NUP93: variants seen among roughly 807,000 people sequenced by gnomAD.
The protein encoded by NUP93 is nuclear pore complex protein Nup93.
NUP93 carries 55 observed loss-of-function variants against 107.8 expected under a neutral mutation model. The ratio of observed to expected loss-of-function variants is 0.51; its 90% confidence interval spans 0.41 to 0.64. The LOEUF is 0.64. Ranked by LOEUF, NUP93 falls within the 30% of genes least tolerant of loss-of-function variation. NUP93 has a pLI of 0.00. For synonymous variants in NUP93, 390 were observed against 397.5 expected (o/e 0.98, Z 0.22); for missense variants, 937 against 1,044.7 (o/e 0.90, Z 1.42).
rs566950832 is a variant in NUP93 at position 56,778,350 on chromosome 16, A to G, written c.297+19695A>G. ...ATCTGTCAGGGAAGGGCAGTCAGAC[A>G]TGGAAGGAGTGACTGCCAGGCAGTG... On this transcript the variant is annotated intron_variant, in intron 3 of 21. Transcript: ENST00000308159. Among the ~76,000 whole-genome samples, 17 of 152,352 alleles carry G rather than the reference A, an allele frequency of 1.1e-4. No homozygotes were observed. In the East Asian group the frequency reaches 1.3e-3, roughly 12 times the overall value.
intron 17 of NUP93, 40 bp downstream of exon 17, chr16:56,836,757 C>A: frequency 7.5e-7 from 1 of 1,337,190 alleles, no homozygotes; most frequent in South Asian, 1.2e-5. Flanking sequence ...CTTCACAGGT[C>A]TGCTGGCCTT....
At chr16:56,793,291 T>A (rs189332716) in intron 3 of NUP93, among the ~76,000 whole-genome samples, 1 of 152,162 alleles carries the variant, frequency 6.6e-6, no homozygotes, top group Non-Finnish European at 1.5e-5. Flanking sequence ...GGAGGTGTTC[T>A]TTATTGAGCT....
intron 3 of NUP93, chr16:56,782,066 C>T: frequency 1.0e-6 from 1 of 985,424 alleles, no homozygotes. Context: ...TCCTTCTCCC[C>T]ACCCCCATCC....
chr16:56,780,430 T>C (rs1962492780), intron 3 of NUP93, among the ~76,000 whole-genome samples: 1 of 152,248 alleles, frequency 6.6e-6, no homozygotes, highest in African/African-American at 2.4e-5. Flanking sequence ...CTTTCATTGT[T>C]ATTCACTGTT....
intron 2 of NUP93, among the ~76,000 whole-genome samples, chr16:56,750,081 G>C (rs1463001182): frequency 6.6e-6 from 1 of 152,220 alleles, no homozygotes; most frequent in Non-Finnish European, 1.5e-5. Flanking sequence ...TAATTTAATT[G>C]CATCAGCTTT....
chr16:56,761,588 C>T (rs1453549984), intron 3 of NUP93, among the ~76,000 whole-genome samples: 1 of 151,816 alleles, frequency 6.6e-6, no homozygotes, highest in South Asian at 2.1e-4. Flanking sequence ...AGAATGCACC[C>T]TAATTCCATG....
intron 7 of NUP93, among the ~76,000 whole-genome samples, chr16:56,822,202 ATTTT>A (rs1228450428): frequency 1.3e-5 from 2 of 151,180 alleles, no homozygotes; most frequent in Admixed American, 1.3e-4. Context: ...CCATACACAG[ATTTT>A]TTTTGTCTTT....
At chr16:56,778,862 C>T (rs185435600) in intron 3 of NUP93, among the ~76,000 whole-genome samples, 1 of 152,192 alleles carries the variant, frequency 6.6e-6, no homozygotes, top group East Asian at 1.9e-4. Context: ...AGCCACAGGC[C>T]TAGAGAGAAG....
At chr16:56,802,333 A>G (rs1396011230) in intron 4 of NUP93, among the ~76,000 whole-genome samples, 1 of 121,914 alleles carries the variant, frequency 8.2e-6, no homozygotes, top group Non-Finnish European at 1.6e-5. Context: ...GTGTTCCATC[A>G]TACTTCTCTT....
intron 17 of NUP93, 26 bp downstream of exon 17, chr16:56,836,743 T>G: frequency 1.4e-6 from 2 of 1,460,376 alleles, no homozygotes; most frequent in Non-Finnish European, 1.9e-6. Context: ...TTCCTTCTTT[T>G]GCACTTCACA....
In NUP93 at chr16:56,841,730, T is replaced by C; in HGVS notation, c.2246T>C (p.Leu749Pro). 1.2e-6 allele frequency: 2 copies of C among 1,614,204 alleles called. No individual in the cohort carries two copies. The highest frequency in any genetic ancestry group is 1.1e-5 in the South Asian group (1 of 91,088). ...DEIRHNLSEV[L>P]LATMNILFTQ... ...ATCAGGCACAACCTCTCAGAAGTGC[T>C]TCTTGCCACCATGAACATCTTGTTC... The change falls in exon 21 of 22, where the codon CTT (leucine) becomes CCT (proline). Residue 749 changes from leucine (L) to proline (P), a missense_variant. Leu to Pro is a moderately conservative substitution (Grantham distance 98). Coordinates refer to ENST00000308159, the MANE Select transcript of NUP93 (RefSeq NM_014669.5).
rs551610310 is a variant in NUP93 at position 56,823,934 on chromosome 16, G to A, written c.794+88G>A. ...ATCTTAAGTTGTCCTCAGGCTAGGT[G>A]TGCTGTAGGTATAATTTAAGATTTA... On this transcript the variant is annotated intron_variant, in intron 8 of 21. Coordinates refer to ENST00000308159, the MANE Select transcript of NUP93 (RefSeq NM_014669.5). 3 of 1,456,422 alleles carry A rather than the reference G, an allele frequency of 2.1e-6. No individual in the cohort carries two copies. The East Asian group carries it at 6.9e-5, about 34-fold the overall frequency. The allele number at this position is 1,456,422 out of a possible 1,614,324, so 90.2% of individuals were successfully genotyped here.
At position 56,782,122 on chromosome 16, in the gene NUP93, C is replaced by T. The variant is rs866419141; in HGVS notation, c.298-16354C>T. The T allele has an allele frequency of 2.3e-4, 226 of 985,158 alleles. 2 individuals carry two copies. Among genetic ancestry groups the T allele is most frequent in the Admixed American group, 3.7e-4 (6 of 16,244 alleles). The allele number at this position is 985,158 out of a possible 1,614,324, so 61.0% of individuals were successfully genotyped here. ...GTGGGAAAAACTTGAGCACTGGTTCCGACAGAGCTCATCTCATATAAGAAG... is the reference window on the plus strand; with the variant it reads ...GTGGGAAAAACTTGAGCACTGGTTCTGACAGAGCTCATCTCATATAAGAAG... On this transcript the variant is annotated intron_variant, in intron 3 of 21. Coordinates refer to ENST00000308159, the MANE Select transcript of NUP93 (RefSeq NM_014669.5).
chr16:56,796,554 G>A (rs1034701573), intron 3 of NUP93, among the ~76,000 whole-genome samples: 2 of 152,176 alleles, frequency 1.3e-5, no homozygotes, highest in Admixed American at 6.5e-5. Context: ...ATTATAAAAT[G>A]ATCAAAAACT....
At chr16:56,837,314 G>A (rs1963931129) in intron 17 of NUP93, among the ~76,000 whole-genome samples, 1 of 152,220 alleles carries the variant, frequency 6.6e-6, no homozygotes, top group African/African-American at 2.4e-5. Context: ...TGTAATCCCA[G>A]CACTTTGGGA....
intron 3 of NUP93, among the ~76,000 whole-genome samples, chr16:56,781,271 C>G (rs1962509104): frequency 6.6e-6 from 1 of 152,154 alleles, no homozygotes. Flanking sequence ...CAAATAACCT[C>G]TGTTCTTTTC....
intron 2 of NUP93, among the ~76,000 whole-genome samples, chr16:56,754,670 A>C (rs921026153): frequency 6.6e-6 from 1 of 152,228 alleles, no homozygotes; most frequent in African/African-American, 2.4e-5. Context: ...TTCTAGGCAC[A>C]TGGTGCAAAC....
chr16:56,756,057 G>T (rs1962012557), intron 2 of NUP93, among the ~76,000 whole-genome samples: 1 of 152,040 alleles, frequency 6.6e-6, no homozygotes, highest in African/African-American at 2.4e-5. Flanking sequence ...GGAAAGTTTG[G>T]ACTAGGTTAC....
In NUP93 at chr16:56,808,494, CTATATAAATATATAGTTAT is replaced by C. The variant is rs1567398783; in HGVS notation, c.489+2863_489+2881del. Among the ~76,000 whole-genome samples the C allele has an allele frequency of 1.1e-3, 119 of 112,376 alleles. 3 individuals are homozygous for C. Among genetic ancestry groups the C allele is most frequent in the Non-Finnish European group, 1.5e-3 (91 of 59,334 alleles). 73.7% of individuals were successfully genotyped at this position (112,376 alleles called of 152,430 possible). On this transcript the variant is annotated intron_variant, in intron 5 of 21. Transcript: ENST00000308159. ...AACTATAAAATATATAGTTATGTAA[CTATATAAATATATAGTTAT>C]GTAACTATATATAAATATAGTTATA...
Sources: allele counts gnomAD v4.1 joint callset (sites outside exome capture counted in the v4.1 genomes callset), GRCh38; gene constraint gnomAD v4.1.1; transcripts MANE v1.5; gene names NCBI Gene and HGNC (gene_info 2026-07-23, HGNC 2026-07-21).